PTPRR: variants seen among roughly 807,000 people sequenced by gnomAD.
PTPRR encodes protein tyrosine phosphatase receptor type R, also known as receptor-type tyrosine-protein phosphatase R.
PTPRR carries 38 observed loss-of-function variants against 77.2 expected under a neutral mutation model. The ratio of observed to expected loss-of-function variants is 0.49; its 90% CI spans 0.38 to 0.65. The LOEUF (loss-of-function observed/expected upper bound fraction) is 0.65, where lower values mean the gene tolerates loss of function less well. PTPRR is among the 30% of genes least tolerant of loss of function. PTPRR has a pLI of 0.00. For synonymous variants in PTPRR, 299 were observed against 283.1 expected, an observed-to-expected ratio of 1.06 and a Z score of -0.57; for missense variants, 744 against 799.2, an observed-to-expected ratio of 0.93 and a Z score of 0.83.
chr12:70,698,507 CAT>C (rs1265014238), intron 7 of PTPRR, among the ~76,000 whole-genome samples, 158 bp from the exon 8 acceptor site: 4 of 152,130 alleles, frequency 2.6e-5, no homozygotes, highest in African/African-American at 9.7e-5. Context: ...CTTTCCTAAA[CAT>C]ATCAGCTGCA....
intron 2 of PTPRR, among the ~76,000 whole-genome samples, chr12:70,801,099 C>T (rs1011587016): frequency 2.6e-5 from 4 of 152,056 alleles, no homozygotes; most frequent in African/African-American, 9.7e-5. Context: ...GTAAAAAGAT[C>T]TATAATAAAA....
intron 4 of PTPRR, among the ~76,000 whole-genome samples, chr12:70,760,498 T>C (rs1184055120): frequency 6.6e-6 from 1 of 152,132 alleles, no homozygotes; most frequent in Non-Finnish European, 1.5e-5. Flanking sequence ...GATCAGGACA[T>C]CTAGATTTTG....
At chr12:70,648,933 G>C (rs935786943) in intron 13 of PTPRR, among the ~76,000 whole-genome samples, 10 of 152,084 alleles carry the variant, frequency 6.6e-5, no homozygotes, top group African/African-American at 2.2e-4. Context: ...TTAGTAAAAG[G>C]AGAATCACAG....
chr12:70,763,302 G>A (rs1890735708), intron 3 of PTPRR, among the ~76,000 whole-genome samples: 2 of 151,796 alleles, frequency 1.3e-5, no homozygotes, highest in South Asian at 4.2e-4. Flanking sequence ...CCAATTTTTT[G>A]TATTTTAAGT....
chr12:70,771,613 G>T (rs1356178047), intron 2 of PTPRR, among the ~76,000 whole-genome samples: 4 of 152,134 alleles, frequency 2.6e-5, no homozygotes, highest in African/African-American at 9.7e-5. Context: ...ATAATAAAAA[G>T]CACAAATTAA....
chr12:70,681,482 G>T (rs994061666), intron 10 of PTPRR, among the ~76,000 whole-genome samples: 2 of 152,170 alleles, frequency 1.3e-5, no homozygotes, highest in Non-Finnish European at 2.9e-5. Context: ...TGCTTGCCTA[G>T]TCCCCACTGG....
At chr12:70,725,384 C>A (rs557685396) in intron 6 of PTPRR, among the ~76,000 whole-genome samples, 1 of 152,156 alleles carries the variant, frequency 6.6e-6, no homozygotes, top group South Asian at 2.1e-4. Flanking sequence ...CTGACATTAT[C>A]CTGAAAACAA....
chr12:70,669,877 A>G (rs548587970), intron 10 of PTPRR, among the ~76,000 whole-genome samples: 1 of 152,302 alleles, frequency 6.6e-6, no homozygotes, highest in Admixed American at 6.5e-5. Context: ...TGGGATTACA[A>G]TGGAACATCT....
chr12:70,843,587 A>G (rs1017026774), intron 2 of PTPRR, among the ~76,000 whole-genome samples: 4 of 152,166 alleles, frequency 2.6e-5, no homozygotes, highest in Non-Finnish European at 5.9e-5. Context: ...ATTAACTCCT[A>G]GTAAGACTGT....
At chr12:70,876,168 T>A (rs575074484) in intron 2 of PTPRR, among the ~76,000 whole-genome samples, 2 of 152,228 alleles carry the variant, frequency 1.3e-5, no homozygotes, top group East Asian at 3.9e-4. Context: ...TCTATCCAAT[T>A]GACATATATA....
intron 1 of PTPRR, among the ~76,000 whole-genome samples, chr12:70,912,928 G>A (rs1464049971): frequency 1.3e-5 from 2 of 152,036 alleles, no homozygotes; most frequent in Non-Finnish European, 2.9e-5. Flanking sequence ...ATTTGTAAAT[G>A]CCTTGAAGAT....
chr12:70,687,093 T>G (rs1887896072), intron 8 of PTPRR, among the ~76,000 whole-genome samples: 1 of 151,960 alleles, frequency 6.6e-6, no homozygotes, highest in South Asian at 2.1e-4. Context: ...TTATTACAAT[T>G]CTATAACGTA....
chr12:70,813,615 A>G (rs1891848216), intron 2 of PTPRR, among the ~76,000 whole-genome samples: 1 of 152,186 alleles, frequency 6.6e-6, no homozygotes, highest in Non-Finnish European at 1.5e-5. Context: ...GTGAAGCAAA[A>G]GTTTTCAGAT....
intron 2 of PTPRR, among the ~76,000 whole-genome samples, chr12:70,831,163 T>G (rs1892205193): frequency 6.6e-6 from 1 of 152,166 alleles, no homozygotes; most frequent in Non-Finnish European, 1.5e-5. Flanking sequence ...CAAAGAGAGT[T>G]TACACTTTTA....
intron 2 of PTPRR, among the ~76,000 whole-genome samples, chr12:70,808,056 C>A (rs1449319698): frequency 6.6e-6 from 1 of 152,072 alleles, no homozygotes; most frequent in Non-Finnish European, 1.5e-5. Context: ...TAATAATTAG[C>A]AGCCCTGGGA....
intron 2 of PTPRR, among the ~76,000 whole-genome samples, chr12:70,808,236 C>G (rs1291926946): frequency 6.6e-6 from 1 of 152,086 alleles, no homozygotes; most frequent in African/African-American, 2.4e-5. Flanking sequence ...GTTCTCTGCT[C>G]TTGAACTCTT....
intron 10 of PTPRR, among the ~76,000 whole-genome samples, chr12:70,676,470 T>G (rs1182044276): frequency 1.3e-5 from 2 of 152,046 alleles, no homozygotes; most frequent in African/African-American, 4.8e-5. Context: ...GTGAATCTAT[T>G]TAATTGTTGC....
intron 6 of PTPRR, among the ~76,000 whole-genome samples, chr12:70,735,888 T>A (rs889796047): frequency 1.3e-5 from 2 of 152,154 alleles, no homozygotes; most frequent in Non-Finnish European, 2.9e-5. Flanking sequence ...TGACTCTGCA[T>A]CCTTCTATTA....
chr12:70,768,381 C>A (rs1253044662), intron 2 of PTPRR, among the ~76,000 whole-genome samples: 1 of 152,202 alleles, frequency 6.6e-6, no homozygotes, highest in Non-Finnish European at 1.5e-5. Flanking sequence ...CTACAAACAC[C>A]TCTACGCAAA....
Sources: allele counts gnomAD v4.1 joint callset (sites outside exome capture counted in the v4.1 genomes callset), GRCh38; gene constraint gnomAD v4.1.1; transcripts MANE v1.5; gene names NCBI Gene and HGNC (gene_info 2026-07-23, HGNC 2026-07-21).